DNAH14: variants seen among roughly 807,000 people sequenced by gnomAD.
DNAH14 encodes axonemal beta dynein heavy chain 14.
In DNAH14, 478 loss-of-function variants were observed where a neutral mutation model predicts 520.9. That is an observed-to-expected ratio of 0.92 (90% CI 0.85 to 0.99). The LOEUF is 0.99. DNAH14 is among the 50% of genes least tolerant of loss of function. The probability of loss-of-function intolerance (pLI) is 0.00; values close to 1 mark genes in which losing one functional copy is unlikely to be tolerated. For synonymous variants in DNAH14, 1,581 were observed against 1,757.2 expected (o/e 0.90, Z 2.51); for missense variants, 4,831 against 5,234.5 (o/e 0.92, Z 2.38).
intron 42 of DNAH14, among the ~76,000 whole-genome samples, chr1:225,238,632 C>T (rs2091766473): frequency 6.6e-6 from 1 of 152,154 alleles, no homozygotes; most frequent in South Asian, 2.1e-4. Flanking sequence ...AGTCTGGCTG[C>T]TTCTTGGTAG....
intron 1 of DNAH14, among the ~76,000 whole-genome samples, chr1:224,940,393 A>G (rs77422292): frequency 0.042 from 6,348 of 152,252 alleles, 217 homozygotes; most frequent in Non-Finnish European, 0.061. Flanking sequence ...GCATCCATGT[A>G]TATCAATCAA....
At chr1:225,039,832 C>T (rs1445072014) in intron 12 of DNAH14, among the ~76,000 whole-genome samples, 3 of 116,742 alleles carry the variant, frequency 2.6e-5, no homozygotes, top group African/African-American at 6.2e-5. Context: ...GAGCCGAGAT[C>T]CCGCCACTGC....
chr1:225,348,952 T>C (rs2095326011), intron 71 of DNAH14, among the ~76,000 whole-genome samples: 2 of 152,170 alleles, frequency 1.3e-5, no homozygotes, highest in East Asian at 3.8e-4. Flanking sequence ...TAAGGGGTGG[T>C]GCTAAAGCCC....
chr1:225,011,622 G>C (rs547157103), intron 10 of DNAH14, among the ~76,000 whole-genome samples: 1 of 152,034 alleles, frequency 6.6e-6, no homozygotes, highest in Non-Finnish European at 1.5e-5. Flanking sequence ...CCTGTGTTGG[G>C]TGCATATATA....
rs184256537 is a variant in DNAH14, at chr1:225,324,171, A to G, written c.9496-51A>G. ...TCTAGTGTAGACTGGGGAAAACTTC[A>G]GGTGAATAATATTTCTTTCTCATGT... On this transcript the variant is annotated intron_variant, in intron 62 of 85. Coordinates refer to ENST00000682510, the MANE Select transcript of DNAH14 (RefSeq NM_001367479.1). 2,637 of 1,541,332 alleles carry G rather than the reference A, an allele frequency of 1.7e-3. 30 individuals are homozygous for G. The African/African-American group carries it at 0.02, about 12-fold the overall frequency.
Position 225,265,275 on chromosome 1 carries a change from G to A in DNAH14, c.7316G>A (p.Ser2439Asn), listed in dbSNP as rs564799522. 1.7e-4 allele frequency: 266 copies of A among 1,543,900 alleles called. No homozygotes were observed. Among genetic ancestry groups the A allele is most frequent in the Non-Finnish European group, 2.1e-4 (242 of 1,144,534 alleles). Residue 2439 changes from serine (S) to asparagine (N), a missense_variant, in exon 48 of 86, where the codon AGC (serine) becomes AAC (asparagine). By Grantham distance (46) the Ser-to-Asn change is conservative. Transcript: ENST00000682510. ...KGVVVSTINF[S>N]TNVTAAKTKE... ...GTTGTAGTCTCTACAATAAATTTTA[G>A]CACCAATGTAACAGCTGCCAAAACC...
At position 225,333,490 on chromosome 1, in the gene DNAH14, T is replaced by C. The variant is rs1558416100; in HGVS notation, c.10064T>C (p.Met3355Thr). The C allele has an allele frequency of 1.3e-6, 2 of 1,550,716 alleles. No homozygotes were observed. The highest frequency in any genetic ancestry group is 4.9e-5 in the East Asian group (2 of 40,834). Residue 3355 changes from methionine (M) to threonine (T), a missense_variant, in exon 66 of 86, where the codon ATG becomes ACG. Physicochemically the swap from Met to Thr is moderately conservative, Grantham distance 81 (BLOSUM62 -1). Transcript: ENST00000682510. ...TCCAAATTCTCTTTAATTAAAGTTATGGCACAAAAATATGAGGTAATAACA... is the reference window on the plus strand; with the variant it reads ...TCCAAATTCTCTTTAATTAAAGTTACGGCACAAAAATATGAGGTAATAACA... ...LSSKFSLIKVMAQKYEISRWH... is the reference protein window; with the variant it reads ...LSSKFSLIKVTAQKYEISRWH...
intron 32 of DNAH14, 36 bp from the exon 33 acceptor site, chr1:225,152,661 G>A: frequency 1.3e-6 from 2 of 1,488,434 alleles, no homozygotes. Flanking sequence ...ATTGAGAAGT[G>A]GTGTTTTTAT....
At chr1:225,312,240 C>T (rs1558346612) in intron 60 of DNAH14, among the ~76,000 whole-genome samples, 1 of 152,080 alleles carries the variant, frequency 6.6e-6, no homozygotes, top group Non-Finnish European at 1.5e-5. Flanking sequence ...TGATTTGGCT[C>T]TCTGTTTGTC....
intron 9 of DNAH14, among the ~76,000 whole-genome samples, chr1:225,003,823 A>G (rs1344079840): frequency 6.6e-6 from 1 of 152,120 alleles, no homozygotes; most frequent in Non-Finnish European, 1.5e-5. Context: ...TTTATGTAGA[A>G]GGAAATAGGA....
intron 8 of DNAH14, among the ~76,000 whole-genome samples, chr1:224,974,438 G>A (rs1439112200): frequency 6.6e-6 from 1 of 152,154 alleles, no homozygotes; most frequent in East Asian, 1.9e-4. Flanking sequence ...GTCATTTAAA[G>A]TAGACAACAG....
intron 17 of DNAH14, among the ~76,000 whole-genome samples, chr1:225,077,539 A>T (rs1414267002): frequency 6.6e-6 from 1 of 152,184 alleles, no homozygotes; most frequent in Non-Finnish European, 1.5e-5. Flanking sequence ...GAGTCTAAAT[A>T]GTTATGTTTA....
intron 42 of DNAH14, among the ~76,000 whole-genome samples, chr1:225,231,833 T>C (rs1215413089): frequency 6.6e-6 from 1 of 152,166 alleles, no homozygotes. Flanking sequence ...GTTTCCCCAA[T>C]TTTTTCCTGC....
chr1:225,002,878 A>G lies in DNAH14; in HGVS notation c.926A>G (p.Lys309Arg), dbSNP rs768087998. 1.3e-6 allele frequency: 2 copies of G among 1,549,720 alleles called. No individual in the cohort carries two copies. The highest frequency in any genetic ancestry group is 1.2e-5 in the South Asian group (1 of 83,956). ...CTTTGTGAAGATGCAATTAATCTCA[A>G]AAATTATAATGACCATGAAAATAAT... The part of the protein sequence containing the change: ...RGLCEDAINL[K>R]NYNDHENNLS... The change falls in exon 9 of 86, where the codon AAA becomes AGA. Residue 309 changes from lysine (K) to arginine (R), a missense_variant. Transcript: ENST00000682510.
rs542489215 is a variant in DNAH14 at position 225,079,323 on chromosome 1, G to A, written c.2541G>A (p.Glu847=). The A allele has an allele frequency of 1.9e-6, 3 of 1,550,236 alleles. No individual in the cohort carries two copies. The East Asian group carries it at 7.3e-5, about 38-fold the overall frequency. The change falls in exon 18 of 86, where the codon GAG becomes GAA. Residue 847 remains glutamate, a synonymous_variant. Coordinates refer to ENST00000682510, the MANE Select transcript of DNAH14 (RefSeq NM_001367479.1). ...ISSKISKLEK[E]FLTMSQLYSV... is the part of the protein sequence containing the mutation. ...CAAAAATATCTAAATTAGAAAAAGA[G>A]TTCTTAACAATGTCTCAGCTATATT... is the stretch of plus-strand genomic sequence containing the variant.
At chr1:225,278,821 G>A (rs988383735) in intron 54 of DNAH14, among the ~76,000 whole-genome samples, 3 of 152,078 alleles carry the variant, frequency 2.0e-5, no homozygotes, top group Non-Finnish European at 4.4e-5. Flanking sequence ...ATTCAGAGCA[G>A]TTTTCAAAAG....
At chr1:225,193,122 A>T (rs1573885027) in intron 38 of DNAH14, among the ~76,000 whole-genome samples, 3 of 152,194 alleles carry the variant, frequency 2.0e-5, no homozygotes, top group Admixed American at 6.6e-5. Flanking sequence ...AAATGATAGA[A>T]TGAAGTTAAA....
rs1453226724 is a variant in DNAH14 at position 224,968,825 on chromosome 1, A to G, written c.718A>G (p.Arg240Gly). The change falls in exon 7 of 86, where the codon AGA (arginine) becomes GGA (glycine). Residue 240 changes from arginine (R) to glycine (G), a missense_variant. By Grantham distance (125) the Arg-to-Gly change is moderately radical (BLOSUM62 -2). Transcript: ENST00000682510. Reference protein sequence around the residue: ...LIPTLEWLSERRHYYLLRQFK... With the variant: ...LIPTLEWLSEGRHYYLLRQFK... ...ACCTACTTTGGAATGGCTATCAGAAAGAAGACATTACTATTTATTACGGCA... is the reference window on the plus strand; with the variant it reads ...ACCTACTTTGGAATGGCTATCAGAAGGAAGACATTACTATTTATTACGGCA... The G allele has an allele frequency of 5.2e-6, 8 of 1,544,948 alleles. No homozygotes were observed. The highest frequency in any genetic ancestry group is 2.8e-5 in the African/African-American group (2 of 72,532).
At chr1:225,335,082 T>G (rs1046763284) in intron 66 of DNAH14, among the ~76,000 whole-genome samples, 2 of 149,408 alleles carry the variant, frequency 1.3e-5, no homozygotes, top group Non-Finnish European at 1.5e-5. Flanking sequence ...AACGTACATA[T>G]GTACATATAT....
Sources: allele counts gnomAD v4.1 joint callset (sites outside exome capture counted in the v4.1 genomes callset), GRCh38; gene constraint gnomAD v4.1.1; transcripts MANE v1.5; gene names NCBI Gene and HGNC (gene_info 2026-07-23, HGNC 2026-07-21).